The following NTN4 variants were observed in gnomAD, a reference collection of about 807,000 sequenced individuals.
The protein encoded by NTN4 is netrin-4.
NTN4 carries 32 observed loss-of-function variants against 73.6 expected under a neutral mutation model. The ratio of observed to expected loss-of-function variants is 0.44; its 90% CI spans 0.33 to 0.58. The LOEUF is 0.58. Ranked by LOEUF, NTN4 falls within the 20% of genes least tolerant of loss-of-function variation. The pLI is 0.04. For missense variants in NTN4, 654 were observed against 798.3 expected, an observed-to-expected ratio of 0.82 and a Z score of 2.18; for synonymous variants, 258 against 287.5, an observed-to-expected ratio of 0.90 and a Z score of 1.04.
At chr12:95,754,315 C>T (rs1246634732) in intron 2 of NTN4, among the ~76,000 whole-genome samples, 19 of 52,364 alleles carry the variant, frequency 3.6e-4, no homozygotes, top group Non-Finnish European at 6.6e-4. Context: ...ACTCTAGGTT[C>T]CCACGCCGCC....
intron 2 of NTN4, among the ~76,000 whole-genome samples, chr12:95,760,501 A>G (rs1196782315): frequency 6.6e-6 from 1 of 151,920 alleles, no homozygotes; most frequent in Non-Finnish European, 1.5e-5. Flanking sequence ...TTGAGCACTC[A>G]TCTCTGTCTC....
At chr12:95,710,732 G>C (rs2078559014) in intron 4 of NTN4, 103 bp from the exon 5 acceptor site, 1 of 1,084,006 alleles carries the variant, frequency 9.2e-7, no homozygotes, top group Non-Finnish European at 1.3e-6. Context: ...GCCAGGCGTG[G>C]TAGCTCACAC....
At chr12:95,769,751 CTTTTTTTT>C (rs34093723) in intron 2 of NTN4, among the ~76,000 whole-genome samples, 1 of 117,120 alleles carries the variant, frequency 8.5e-6, no homozygotes. Flanking sequence ...AGGTTTCAAT[CTTTTTTTT>C]TTTTTTTTTT....
At chr12:95,787,950 A>T (rs1342971796) in intron 1 of NTN4, among the ~76,000 whole-genome samples, 1 of 152,174 alleles carries the variant, frequency 6.6e-6, no homozygotes, top group East Asian at 1.9e-4. Context: ...ATGATTTAAC[A>T]TGTTTATTAT....
At chr12:95,666,086 T>A in intron 8 of NTN4, 106 bp from the exon 9 acceptor site, 1 of 847,514 alleles carries the variant, frequency 1.2e-6, no homozygotes, top group Non-Finnish European at 1.7e-6. Context: ...GAATTGATGA[T>A]GAGGATGTGA....
At chr12:95,748,688 C>G (rs1338438665) in intron 2 of NTN4, among the ~76,000 whole-genome samples, 1 of 152,070 alleles carries the variant, frequency 6.6e-6, no homozygotes, top group Non-Finnish European at 1.5e-5. Context: ...CCAAGCTGGT[C>G]TCGAACTCCT....
intron 9 of NTN4, 87 bp from the exon 10 acceptor site, chr12:95,659,309 A>G: frequency 9.6e-7 from 1 of 1,039,876 alleles, no homozygotes. Flanking sequence ...TTTTGCATTT[A>G]TTTTGAGACA....
chr12:95,747,686 A>C (rs1030527229), intron 2 of NTN4, among the ~76,000 whole-genome samples: 1 of 152,138 alleles, frequency 6.6e-6, no homozygotes, highest in African/African-American at 2.4e-5. Flanking sequence ...ATGCCTTATG[A>C]ATTCTCAATA....
At chr12:95,732,396 CTTTTTTTTT>C (rs35575824) in intron 3 of NTN4, among the ~76,000 whole-genome samples, 1 of 112,860 alleles carries the variant, frequency 8.9e-6, no homozygotes, top group South Asian at 2.9e-4. Flanking sequence ...CTTTCTTCCT[CTTTTTTTTT>C]TTTTTTTTTT....
chr12:95,681,609 A>T (rs1402162695), intron 7 of NTN4, among the ~76,000 whole-genome samples: 1 of 152,230 alleles, frequency 6.6e-6, no homozygotes, highest in East Asian at 1.9e-4. Flanking sequence ...GTTAAGGAGC[A>T]AGTTAGTGCT....
chr12:95,682,628 G>T, intron 7 of NTN4, 79 bp downstream of exon 7: 1 of 909,072 alleles, frequency 1.1e-6, no homozygotes, highest in Non-Finnish European at 1.8e-6. Context: ...GGATCCAAAA[G>T]CTGGACCCTG....
intron 2 of NTN4, chr12:95,739,750 G>C (rs1050413788): frequency 3.9e-5 from 6 of 152,198 alleles, no homozygotes; most frequent in African/African-American, 1.4e-4. Context: ...TGAAAAGTCT[G>C]TGGTGTCCTT....
intron 4 of NTN4, 38 bp downstream of exon 4, chr12:95,713,174 C>T: frequency 1.1e-5 from 18 of 1,594,744 alleles, no homozygotes; most frequent in Non-Finnish European, 1.5e-5. Context: ...GTTGACTTTA[C>T]AAAGAAAGCT....
rs1199375771 is a variant in NTN4, at chr12:95,723,906, G to T, written c.865-10568C>A. Among the ~76,000 whole-genome samples, 4 of 152,230 alleles carry T rather than the reference G, an allele frequency of 2.6e-5. No homozygotes were observed. In the East Asian group the frequency reaches 7.7e-4, roughly 29 times the overall value. ...TCTTACTGGCCTGTCATTCATTAAT[G>T]AGTTAAATACATCTTTGACTCATGT... On this transcript the variant is annotated intron_variant, in intron 3 of 9. Coordinates refer to ENST00000343702, the MANE Select transcript of NTN4 (RefSeq NM_021229.4).
At chr12:95,777,097 A>G (rs2079099115) in intron 2 of NTN4, among the ~76,000 whole-genome samples, 1 of 152,240 alleles carries the variant, frequency 6.6e-6, no homozygotes, top group African/African-American at 2.4e-5. Context: ...AATCCTTTAC[A>G]GACAAGCAAA....
chr12:95,766,981 C>T (rs1035274198), intron 2 of NTN4, among the ~76,000 whole-genome samples: 1 of 152,192 alleles, frequency 6.6e-6, no homozygotes, highest in African/African-American at 2.4e-5. Context: ...TAATCTCATA[C>T]ATTTTACTCA....
chr12:95,719,704 T>C (rs558954604), intron 3 of NTN4, among the ~76,000 whole-genome samples: 23 of 152,334 alleles, frequency 1.5e-4, no homozygotes, highest in Non-Finnish European at 3.2e-4. Context: ...CATTAACGAA[T>C]AAAATATGCC....
At chr12:95,766,647 T>C (rs1484070021) in intron 2 of NTN4, among the ~76,000 whole-genome samples, 2 of 152,244 alleles carry the variant, frequency 1.3e-5, no homozygotes, top group Admixed American at 1.3e-4. Context: ...GTTCATTATA[T>C]AACGAGGTTT....
intron 2 of NTN4, among the ~76,000 whole-genome samples, chr12:95,777,782 C>A (rs1038330997): frequency 2.0e-5 from 3 of 152,120 alleles, no homozygotes; most frequent in Admixed American, 6.5e-5. Flanking sequence ...ACAAGGATAT[C>A]CAGGAATTGA....
Sources: allele counts gnomAD v4.1 joint callset (sites outside exome capture counted in the v4.1 genomes callset), GRCh38; gene constraint gnomAD v4.1.1; transcripts MANE v1.5; gene names NCBI Gene and HGNC (gene_info 2026-07-23, HGNC 2026-07-21).